The following TSHZ2 variants were observed in gnomAD, a reference collection of about 807,000 sequenced individuals.
The protein encoded by TSHZ2 is teashirt zinc finger homeobox 2.
A neutral mutation model predicts 74.4 loss-of-function variants in TSHZ2; 21 were observed. That is an observed-to-expected ratio of 0.28 (90% CI 0.20 to 0.41). The LOEUF is 0.41. Among genes scored for constraint, TSHZ2 ranks in the 10% least tolerant of loss-of-function variants. The pLI is 1.00. For missense variants in TSHZ2, 1,244 were observed against 1,293.5 expected, an observed-to-expected ratio of 0.96 and a Z score of 0.59; for synonymous variants, 540 against 515.3, an observed-to-expected ratio of 1.05 and a Z score of -0.65.
chr20:53,280,725 A>C (rs1991042681), intron 2 of TSHZ2, among the ~76,000 whole-genome samples: 2 of 151,660 alleles, frequency 1.3e-5, no homozygotes, highest in Admixed American at 6.6e-5. Context: ...GATGGAGTCT[A>C]GCTGTCGTCC....
At chr20:53,409,834 CTTTTTTTTTTTTTTTT>C (rs71194475) in intron 2 of TSHZ2, among the ~76,000 whole-genome samples, 1 of 49,336 alleles carries the variant, frequency 2.0e-5, no homozygotes, top group South Asian at 1.2e-3. Context: ...GTTTTCTTTT[CTTTTTTTTTTTTTTTT>C]TTTTTTTTTT....
intron 1 of TSHZ2, among the ~76,000 whole-genome samples, chr20:53,057,712 G>A (rs1984687658): frequency 6.6e-6 from 1 of 152,156 alleles, no homozygotes; most frequent in African/African-American, 2.4e-5. Context: ...TGCTTTAGCA[G>A]CCCTGGACAC....
chr20:53,313,477 A>C (rs142137033), intron 2 of TSHZ2, among the ~76,000 whole-genome samples: 1 of 152,182 alleles, frequency 6.6e-6, no homozygotes, highest in African/African-American at 2.4e-5. Flanking sequence ...GCATAAAAGG[A>C]GTTGTTTGAC....
intron 2 of TSHZ2, among the ~76,000 whole-genome samples, chr20:53,451,803 G>C (rs139863334): frequency 2.0e-5 from 3 of 152,224 alleles, no homozygotes; most frequent in Admixed American, 2.0e-4. Flanking sequence ...TATAAACTCC[G>C]TAAAGCTGGG....
At chr20:53,414,601 G>C (rs1272599089) in intron 2 of TSHZ2, among the ~76,000 whole-genome samples, 1 of 151,794 alleles carries the variant, frequency 6.6e-6, no homozygotes, top group Admixed American at 6.6e-5. Context: ...CAGCCTGCCA[G>C]GAGCTAAGAT....
chr20:53,462,924 C>T (rs777774524), intron 2 of TSHZ2, among the ~76,000 whole-genome samples: 9 of 152,140 alleles, frequency 5.9e-5, no homozygotes, highest in Non-Finnish European at 1.2e-4. Flanking sequence ...AGCCAGTTGA[C>T]CCTTCTGCAT....
chr20:53,282,227 C>CA (rs1276957832), intron 2 of TSHZ2, among the ~76,000 whole-genome samples: 14 of 152,044 alleles, frequency 9.2e-5, no homozygotes, highest in Middle Eastern at 3.4e-3. Flanking sequence ...TTCTTTTGTC[C>CA]AAAAAAAGGA....
chr20:53,198,493 C>T (rs1988927076), intron 1 of TSHZ2, among the ~76,000 whole-genome samples: 2 of 152,192 alleles, frequency 1.3e-5, no homozygotes, highest in African/African-American at 2.4e-5. Context: ...ATTGAGGTCA[C>T]ATAGCTGATA....
rs1020853238 is a variant in TSHZ2, at chr20:53,255,406, C to T, written c.1948C>T (p.Pro650Ser). The T allele has an allele frequency of 6.2e-7, 1 of 1,613,680 alleles. No individual in the cohort carries two copies. The highest frequency in any genetic ancestry group is 8.5e-7 in the Non-Finnish European group (1 of 1,180,018). ...AGAAGCCAAAAAGACCGAGCTGGGT[C>T]CCCTGAAGGAGGAGGAGAAGCTGAT... is the stretch of plus-strand genomic sequence containing the variant. ...PPEAKKTELGPLKEEEKLMKE... is the reference protein window; with the variant it reads ...PPEAKKTELGSLKEEEKLMKE... Residue 650 changes from proline (P) to serine (S), a missense_variant, in exon 2 of 3, where the codon CCC (proline) becomes TCC (serine). Physicochemically the swap from Pro to Ser is moderately conservative, Grantham distance 74. Coordinates refer to ENST00000371497, the MANE Select transcript of TSHZ2 (RefSeq NM_173485.6). This position sits in a 1 kb window ranked among gnomAD's most constrained non-coding sequence, Gnocchi z 4.1.
chr20:53,445,200 C>T (rs949331345), intron 2 of TSHZ2, among the ~76,000 whole-genome samples: 72 of 152,208 alleles, frequency 4.7e-4, no homozygotes, highest in Non-Finnish European at 5.3e-4. Flanking sequence ...TTGTCAAATG[C>T]TTGCATAAAC....
intron 1 of TSHZ2, among the ~76,000 whole-genome samples, chr20:52,987,804 T>C (rs559896762): frequency 6.6e-5 from 10 of 152,256 alleles, no homozygotes; most frequent in Admixed American, 2.6e-4. Flanking sequence ...TTTGTCTGCT[T>C]GGGAGCCAGC....
chr20:53,332,756 T>G (rs1199626222), intron 2 of TSHZ2, among the ~76,000 whole-genome samples: 20 of 152,178 alleles, frequency 1.3e-4, no homozygotes, highest in Admixed American at 1.3e-3. Context: ...TGAGAGATCT[T>G]TAGCTGCAAG....
At chr20:53,109,784 T>C (rs1383814236) in intron 1 of TSHZ2, among the ~76,000 whole-genome samples, 2 of 152,166 alleles carry the variant, frequency 1.3e-5, no homozygotes. Flanking sequence ...TTTGTAAGAA[T>C]TGGAGTGCTG....
chr20:53,446,640 T>A (rs938816231), intron 2 of TSHZ2, among the ~76,000 whole-genome samples: 2 of 152,070 alleles, frequency 1.3e-5, no homozygotes, highest in Non-Finnish European at 2.9e-5. Context: ...TCTTCTCTAC[T>A]TCCTCCTTTT....
intron 2 of TSHZ2, among the ~76,000 whole-genome samples, chr20:53,429,821 T>TTGTGTGTGTGTGTGTGTGTGTGTGTGTG (rs145356694): frequency 2.6e-5 from 4 of 151,624 alleles, no homozygotes; most frequent in Admixed American, 6.6e-5. Flanking sequence ...GCATATTCAA[T>TTGTGTGTGTGTGTGTGTGTGTGTGTGTG]TGTGTGTGTG....
intron 2 of TSHZ2, among the ~76,000 whole-genome samples, chr20:53,389,076 G>A (rs1982159534): frequency 6.6e-6 from 1 of 152,190 alleles, no homozygotes; most frequent in Non-Finnish European, 1.5e-5. Context: ...CAGGCAAGCA[G>A]GAACATACTG....
chr20:53,032,024 A>T (rs1600655923), intron 1 of TSHZ2, among the ~76,000 whole-genome samples: 1 of 152,226 alleles, frequency 6.6e-6, no homozygotes, highest in African/African-American at 2.4e-5. Flanking sequence ...TTGCGTCTCT[A>T]AAAGAAAAGG....
At chr20:53,147,850 G>A (rs1987580255) in intron 1 of TSHZ2, among the ~76,000 whole-genome samples, 1 of 152,124 alleles carries the variant, frequency 6.6e-6, no homozygotes, top group African/African-American at 2.4e-5. Flanking sequence ...CTGAGTAGTT[G>A]GGATTATAGG....
chr20:53,211,003 A>G (rs1377965322), intron 1 of TSHZ2, among the ~76,000 whole-genome samples: 1 of 152,212 alleles, frequency 6.6e-6, no homozygotes, highest in African/African-American at 2.4e-5. Context: ...GAGAAAAAAC[A>G]AATGGATAAT....
Sources: allele counts gnomAD v4.1 joint callset (sites outside exome capture counted in the v4.1 genomes callset), GRCh38; gene constraint gnomAD v4.1.1; non-coding constraint Gnocchi (gnomAD v3.1); transcripts MANE v1.5; gene names NCBI Gene and HGNC (gene_info 2026-07-23, HGNC 2026-07-21).